KLHL7: variants seen among roughly 807,000 people sequenced by gnomAD.
The protein encoded by KLHL7 is kelch like family member 7.
A neutral mutation model predicts 67.4 loss-of-function variants in KLHL7; 44 were observed. That is an observed-to-expected ratio of 0.65 (90% CI 0.51 to 0.84). KLHL7 has a LOEUF of 0.84. Among genes scored for constraint, KLHL7 ranks in the 40% least tolerant of loss-of-function variants. The pLI is 0.00. For synonymous variants in KLHL7, 252 were observed against 243.3 expected (o/e 1.04, Z -0.33); for missense variants, 362 against 718.1 (o/e 0.50, Z 5.67).
At chr7:23,167,777 T>C in intron 8 of KLHL7, 59 bp from the exon 9 acceptor site, 1 of 1,501,168 alleles carries the variant, frequency 6.7e-7, no homozygotes, top group Non-Finnish European at 9.3e-7. Flanking sequence ...TACAGTCAGT[T>C]CTTTCCAAAC....
chr7:23,128,310 A>G (rs1783657741), intron 4 of KLHL7, among the ~76,000 whole-genome samples: 1 of 151,368 alleles, frequency 6.6e-6, no homozygotes, highest in Non-Finnish European at 1.5e-5. Context: ...GCCACTAGTG[A>G]GAAGATAAAA....
chr7:23,156,366 C>T (rs1405584302), intron 7 of KLHL7, among the ~76,000 whole-genome samples: 1 of 152,138 alleles, frequency 6.6e-6, no homozygotes, highest in African/African-American at 2.4e-5. Context: ...CTCTTCCCAT[C>T]CTGTATGTTT....
chr7:23,174,649 T>G lies in KLHL7; in HGVS notation c.*351T>G, dbSNP rs770322474. ...CAGTATCTTAGCTCTAGATTCTATT[T>G]TCATGCATCACAGAAGTGCTATACG... On this transcript the variant is annotated 3_prime_UTR_variant, in exon 11 of 11. Coordinates refer to ENST00000339077, the MANE Select transcript of KLHL7 (RefSeq NM_001031710.3). 1.6e-4 allele frequency: 74 copies of G among 467,168 alleles called. No homozygotes were observed. Among genetic ancestry groups the G allele is most frequent in the Admixed American group, 7.0e-4 (30 of 42,968 alleles). 28.9% of individuals were successfully genotyped at this position (467,168 alleles called of 1,614,324 possible). A position where few individuals can be genotyped will look rare whatever the true frequency, so the allele number is the denominator to read the frequency against.
Position 23,143,903 on chromosome 7 carries a change from C to T in KLHL7, c.671C>T (p.Pro224Leu). 1.2e-6 allele frequency: 2 copies of T among 1,614,102 alleles called. No homozygotes were observed. Among genetic ancestry groups the T allele is most frequent in the South Asian group, 1.1e-5 (1 of 91,082 alleles). The change falls in exon 6 of 11, where the codon CCA becomes CTA. Residue 224 changes from proline to leucine, a missense_variant. Pro to Leu is a moderately conservative substitution (Grantham distance 98, BLOSUM62 -3). Coordinates refer to ENST00000339077, the MANE Select transcript of KLHL7 (RefSeq NM_001031710.3). ...WLKYDEPNRQ[P>L]FMVDILAKVR... The stretch of plus-strand genomic sequence containing the variant: ...AAATACGATGAACCTAATCGCCAGC[C>T]ATTTATGGTTGATATCCTTGCTAAA...
In KLHL7 at chr7:23,167,906, G is replaced by C; in HGVS notation, c.1248G>C (p.Met416Ile). The change falls in exon 9 of 11, where the codon ATG (methionine) becomes ATC (isoleucine). Residue 416 changes from methionine to isoleucine, a missense_variant. Physicochemically the swap from Met to Ile is conservative, Grantham distance 10 (BLOSUM62 1). Coordinates refer to ENST00000339077, the MANE Select transcript of KLHL7 (RefSeq NM_001031710.3). Reference protein sequence around the residue: ...RTESWHTKPSMLTQRCSHGMV... With the variant: ...RTESWHTKPSILTQRCSHGMV... Reference sequence around the variant, plus strand: ...AAAGCTGGCACACAAAGCCCAGCATGCTGACCCAGCGCTGCAGCCATGGGA... The same window carrying C: ...AAAGCTGGCACACAAAGCCCAGCATCCTGACCCAGCGCTGCAGCCATGGGA... 1 of 1,614,220 alleles carries C rather than the reference G, an allele frequency of 6.2e-7. No individual in the cohort carries two copies. The highest frequency in any genetic ancestry group is 8.5e-7 in the Non-Finnish European group (1 of 1,180,028).
At chr7:23,161,192 A>G (rs1784845272) in intron 7 of KLHL7, among the ~76,000 whole-genome samples, 1 of 152,216 alleles carries the variant, frequency 6.6e-6, no homozygotes, top group Non-Finnish European at 1.5e-5. Context: ...CACAACGTCC[A>G]AAGACAGTCA....
chr7:23,160,067 G>A (rs1477031903), intron 7 of KLHL7, among the ~76,000 whole-genome samples: 2 of 151,996 alleles, frequency 1.3e-5, no homozygotes, highest in African/African-American at 4.8e-5. Context: ...CAGACACCTG[G>A]GACATCTCCT....
Position 23,149,463 on chromosome 7 carries a change from G to A in KLHL7, c.794-2604G>A, listed in dbSNP as rs535976527. ...ACCTTTCTCTTACTGGGAATATTGC[G>A]TTCATAGACTACACAGTCCACTTTC... On this transcript the variant is annotated intron_variant, in intron 6 of 10. Transcript: ENST00000339077. Among the ~76,000 whole-genome samples, 96 of 152,218 alleles carry A rather than the reference G, an allele frequency of 6.3e-4. 1 individual carries two copies. The South Asian group carries it at 1.0e-2, about 16-fold the overall frequency.
At chr7:23,106,224 C>T in intron 1 of KLHL7, 78 bp downstream of exon 1, 2 of 1,564,470 alleles carry the variant, frequency 1.3e-6, no homozygotes, top group East Asian at 2.4e-5. Context: ...GGGTGGAACC[C>T]CGCGCCCTGT....
chr7:23,161,811 T>A (rs1370290534), intron 7 of KLHL7, among the ~76,000 whole-genome samples: 1 of 152,190 alleles, frequency 6.6e-6, no homozygotes, highest in Admixed American at 6.5e-5. Context: ...CCCTAATGGA[T>A]GATATATACT....
chr7:23,152,018 C>T, intron 6 of KLHL7, 49 bp from the exon 7 acceptor site: 1 of 1,599,272 alleles, frequency 6.3e-7, no homozygotes, highest in Non-Finnish European at 8.6e-7. Context: ...TTTCAAAGCA[C>T]TGGTTAGTGC....
chr7:23,173,950 A>G, intron 10 of KLHL7, 65 bp from the exon 11 acceptor site: 1 of 1,480,966 alleles, frequency 6.8e-7, no homozygotes, highest in Admixed American at 1.7e-5. Context: ...AAAAGTTATT[A>G]CTTTAAGAAA....
chr7:23,138,626 C>T (rs540264806), intron 4 of KLHL7, among the ~76,000 whole-genome samples: 29 of 152,088 alleles, frequency 1.9e-4, no homozygotes, highest in Admixed American at 8.5e-4. Context: ...CAACCTCTGC[C>T]TCCCGGGTTC....
intron 4 of KLHL7, chr7:23,125,621 C>A: frequency 9.9e-7 from 1 of 1,009,312 alleles, no homozygotes; most frequent in Non-Finnish European, 1.4e-6. Context: ...TTAGCTACTA[C>A]ACCTTGCTGC....
chr7:23,126,671 C>A (rs1783585637), intron 4 of KLHL7, among the ~76,000 whole-genome samples: 1 of 152,132 alleles, frequency 6.6e-6, no homozygotes, highest in African/African-American at 2.4e-5. Context: ...CTTTAGTACT[C>A]CTTCCTGCAT....
At chr7:23,121,915 C>T (rs1211772411) in intron 1 of KLHL7, among the ~76,000 whole-genome samples, 4 of 152,198 alleles carry the variant, frequency 2.6e-5, no homozygotes, top group African/African-American at 9.6e-5. Context: ...ATCTGCTGAC[C>T]TTGTGATCCG....
At chr7:23,139,957 T>A (rs1463108100) in intron 4 of KLHL7, among the ~76,000 whole-genome samples, 1 of 152,026 alleles carries the variant, frequency 6.6e-6, no homozygotes, top group African/African-American at 2.4e-5. Flanking sequence ...TATTCTTAGT[T>A]GCTGACCCTA....
At position 23,174,909 on chromosome 7, in the gene KLHL7, A is replaced by G. The variant is rs1035035415; in HGVS notation, c.*611A>G. On this transcript the variant is annotated 3_prime_UTR_variant, in exon 11 of 11. Coordinates refer to ENST00000339077, the MANE Select transcript of KLHL7 (RefSeq NM_001031710.3). ...TAATATGTCCAACTCCTCATGAAAT[A>G]TATTCAATCCACTTAAATATATTCC... 2.2e-6 allele frequency: 1 copy of G among 454,406 alleles called. No individual in the cohort carries two copies. The highest frequency in any genetic ancestry group is 4.4e-6 in the Non-Finnish European group (1 of 226,802). The allele number at this position is 454,406 out of a possible 1,614,324, so 28.1% of individuals were successfully genotyped here.
rs566796779 is a variant in KLHL7, at chr7:23,108,308, A to G, written c.120+2162A>G. 7.2e-5 allele frequency among the ~76,000 whole-genome samples: 11 copies of G among 152,332 alleles called. 1 individual carries two copies. The South Asian group carries it at 2.3e-3, about 32-fold the overall frequency. On this transcript the variant is annotated intron_variant, in intron 1 of 10. Coordinates refer to ENST00000339077, the MANE Select transcript of KLHL7 (RefSeq NM_001031710.3). ...CCATCTCTCTGTAGTATAGTGGCCG[A>G]TTCTATACATAGAGGCAAAAGGGGA...
Sources: allele counts gnomAD v4.1 joint callset (sites outside exome capture counted in the v4.1 genomes callset), GRCh38; gene constraint gnomAD v4.1.1; transcripts MANE v1.5; gene names NCBI Gene and HGNC (gene_info 2026-07-23, HGNC 2026-07-21).